Variants in NF1 observed in about 807,000 individuals in gnomAD.
NF1 encodes the protein neurofibromin.
Under a neutral mutation model 325.7 loss-of-function variants are expected in NF1, and 122 were observed. The observed-to-expected ratio is 0.37, with a 90% CI of 0.32 to 0.44. The LOEUF (loss-of-function observed/expected upper bound fraction) is 0.44, where lower values mean the gene tolerates loss of function less well. NF1 is among the 20% of genes least tolerant of loss of function. The pLI, the probability that NF1 is intolerant of heterozygous loss-of-function variation, is 1.00. For missense variants in NF1, 2,140 were observed against 3,415.4 expected, an observed-to-expected ratio of 0.63 and a Z score of 9.31; for synonymous variants, 1,091 against 1,186.0, an observed-to-expected ratio of 0.92 and a Z score of 1.65.
intron 4 of NF1, among the ~76,000 whole-genome samples, chr17:31,164,717 G>A (rs2065817811): frequency 1.3e-5 from 2 of 152,112 alleles, no homozygotes; most frequent in South Asian, 4.1e-4. Context: ...TCAGAGTCCT[G>A]CAATCTTTTT....
At chr17:31,121,824 G>C (rs1914466950) in intron 1 of NF1, among the ~76,000 whole-genome samples, 1 of 152,120 alleles carries the variant, frequency 6.6e-6, no homozygotes, top group Admixed American at 6.5e-5. Context: ...GATTCGGTTT[G>C]CCACAATTTT....
In NF1 at chr17:31,265,270, C is replaced by T. The variant is rs185660700; in HGVS notation, c.4766C>T (p.Thr1589Met). The T allele has an allele frequency of 9.9e-6, 16 of 1,613,228 alleles. No individual in the cohort carries two copies. Among genetic ancestry groups the T allele is most frequent in the African/African-American group, 2.7e-5 (2 of 74,958 alleles). The stretch of plus-strand genomic sequence containing the variant: ...AAAGAAGAATTCAAGGCTTTGAAAA[C>T]GTTAAGTATTTTCTACCAAGCTGGG... ...HEKEEFKALK[T>M]LSIFYQAGTS... Residue 1589 changes from threonine to methionine, a missense_variant, in exon 36 of 58, where the codon ACG (threonine) becomes ATG (methionine). Transcript: ENST00000358273.
At chr17:31,299,183 C>T (rs1371572394) in intron 36 of NF1, among the ~76,000 whole-genome samples, 1 of 152,000 alleles carries the variant, frequency 6.6e-6, no homozygotes, top group Non-Finnish European at 1.5e-5. Context: ...TTCTAACAAT[C>T]TCTTACACTG....
intron 5 of NF1, among the ~76,000 whole-genome samples, chr17:31,170,685 G>A (rs578148890): frequency 3.3e-5 from 5 of 152,270 alleles, no homozygotes; most frequent in Admixed American, 1.3e-4. Context: ...AAGCAGTGAT[G>A]TGTTAATGTA....
chr17:31,143,351 C>T (rs1244731220), intron 1 of NF1, among the ~76,000 whole-genome samples: 1 of 152,126 alleles, frequency 6.6e-6, no homozygotes, highest in Non-Finnish European at 1.5e-5. Context: ...ACTGCAGCCT[C>T]AACCTCCTGG....
chr17:31,344,385 A>G (rs1221787967), intron 48 of NF1, among the ~76,000 whole-genome samples: 1 of 152,238 alleles, frequency 6.6e-6, no homozygotes, highest in Admixed American at 6.5e-5. Flanking sequence ...GTTAATAAGA[A>G]CAGCATGTAG....
chr17:31,358,791 C>G (rs938705198), intron 55 of NF1, 169 bp downstream of exon 55: 1 of 1,094,444 alleles, frequency 9.1e-7, no homozygotes, highest in Admixed American at 2.2e-5. Context: ...AACTGGTTGA[C>G]AACTTTTTAT....
At chr17:31,198,754 A>G (rs900476909) in intron 8 of NF1, among the ~76,000 whole-genome samples, 2 of 152,050 alleles carry the variant, frequency 1.3e-5, no homozygotes, top group African/African-American at 4.8e-5. Flanking sequence ...AGCTGGGACT[A>G]CAGGCATGCA....
At chr17:31,318,250 G>A in intron 36 of NF1, 1 of 1,538,684 alleles carries the variant, frequency 6.5e-7, no homozygotes, top group South Asian at 1.3e-5. Flanking sequence ...AATACCAACT[G>A]ACTTCATTTT....
chr17:31,282,714 C>CT (rs1254865544), intron 36 of NF1, among the ~76,000 whole-genome samples: 1 of 152,122 alleles, frequency 6.6e-6, no homozygotes, highest in African/African-American at 2.4e-5. Context: ...GAATAATATT[C>CT]TATTGTATTC....
intron 36 of NF1, chr17:31,304,835 C>T: frequency 6.2e-7 from 1 of 1,613,946 alleles, no homozygotes; most frequent in Admixed American, 1.7e-5. Context: ...ATTTCATTTT[C>T]TCTGATGTTA....
intron 10 of NF1, 104 bp from the exon 11 acceptor site, chr17:31,201,307 G>GTT (rs981161732): frequency 5.9e-5 from 79 of 1,333,662 alleles, no homozygotes; most frequent in Non-Finnish European, 7.8e-5. Context: ...AAAACTTAGT[G>GTT]TTTTTTTTTT....
At chr17:31,115,299 A>C (rs1913805551) in intron 1 of NF1, among the ~76,000 whole-genome samples, 1 of 152,192 alleles carries the variant, frequency 6.6e-6, no homozygotes, top group South Asian at 2.1e-4. Context: ...CCAAACTGTC[A>C]GTAGTGCTAA....
At chr17:31,325,574 C>T (rs2069319956) in intron 36 of NF1, among the ~76,000 whole-genome samples, 1 of 152,180 alleles carries the variant, frequency 6.6e-6, no homozygotes, top group Non-Finnish European at 1.5e-5. Context: ...CCTTTCTTGA[C>T]TCATGGGCAA....
intron 1 of NF1, among the ~76,000 whole-genome samples, chr17:31,143,978 C>A (rs1277594989): frequency 6.6e-6 from 1 of 152,054 alleles, no homozygotes; most frequent in East Asian, 1.9e-4. Context: ...CCTGCCACGA[C>A]GCCCAGCTAA....
chr17:31,096,141 C>CCCCT (rs1555594770), intron 1 of NF1, among the ~76,000 whole-genome samples: 2 of 144,606 alleles, frequency 1.4e-5, no homozygotes, highest in African/African-American at 5.1e-5. Flanking sequence ...TCCCCCCCCC[C>CCCCT]TTTTTTTTTT....
At chr17:31,245,500 C>T (rs9904169) in intron 29 of NF1, among the ~76,000 whole-genome samples, 68,590 of 152,066 alleles carry the variant, frequency 0.45, 18,614 homozygotes, top group African/African-American at 0.76. Flanking sequence ...CAATTACAAG[C>T]CCCAGGTTGT....
intron 1 of NF1, among the ~76,000 whole-genome samples, chr17:31,102,347 C>T (rs57495766): frequency 2.0e-5 from 3 of 151,502 alleles, no homozygotes; most frequent in African/African-American, 7.3e-5. Flanking sequence ...TTCTTTATAG[C>T]TTATTATTAT....
At chr17:31,248,913 T>A in intron 29 of NF1, 71 bp from the exon 30 acceptor site, 1 of 1,499,448 alleles carries the variant, frequency 6.7e-7, no homozygotes, top group Non-Finnish European at 9.2e-7. Flanking sequence ...TATAAGAGTC[T>A]CTTTTAAGGA....
Sources: allele counts gnomAD v4.1 joint callset (sites outside exome capture counted in the v4.1 genomes callset), GRCh38; gene constraint gnomAD v4.1.1; transcripts MANE v1.5; gene names NCBI Gene and HGNC (gene_info 2026-07-23, HGNC 2026-07-21).